Variants in NRAP observed in about 807,000 individuals in gnomAD.
The protein encoded by NRAP is nebulin-related-anchoring protein.
A neutral mutation model predicts 225.9 loss-of-function variants in NRAP; 189 were observed. The observed-to-expected ratio is 0.84, with a 90% CI of 0.74 to 0.94. The LOEUF (loss-of-function observed/expected upper bound fraction) is 0.94, where lower values mean the gene tolerates loss of function less well. NRAP is among the 40% of genes least tolerant of loss of function. NRAP has a pLI of 0.00. For missense variants in NRAP, 2,176 were observed against 2,168.7 expected (o/e 1.00, Z -0.07); for synonymous variants, 769 against 790.7 (o/e 0.97, Z 0.46).
intron 25 of NRAP, among the ~76,000 whole-genome samples, chr10:113,619,891 G>C (rs920104719): frequency 6.6e-6 from 1 of 152,094 alleles, no homozygotes; most frequent in Non-Finnish European, 1.5e-5. Context: ...GGGGGCTTTC[G>C]GCAATGTCTC....
intron 27 of NRAP, 118 bp downstream of exon 27, chr10:113,615,593 TG>T: frequency 1.4e-6 from 1 of 695,014 alleles, no homozygotes; most frequent in Non-Finnish European, 2.7e-6. Flanking sequence ...TATTTCAAGG[TG>T]GTGATGGCAG....
chr10:113,610,415 C>T, intron 31 of NRAP, 44 bp downstream of exon 31: 1 of 879,660 alleles, frequency 1.1e-6, no homozygotes, highest in Non-Finnish European at 1.9e-6. Flanking sequence ...TTATCCTCTG[C>T]TGTGGAAATG....
chr10:113,628,022 T>C (rs1192752167), intron 20 of NRAP, among the ~76,000 whole-genome samples: 1 of 152,140 alleles, frequency 6.6e-6, no homozygotes, highest in African/African-American at 2.4e-5. Flanking sequence ...TCTTGGAAGA[T>C]TCCAAACAAA....
chr10:113,641,937 G>C (rs1849228243), intron 12 of NRAP, among the ~76,000 whole-genome samples: 1 of 152,162 alleles, frequency 6.6e-6, no homozygotes, highest in African/African-American at 2.4e-5. Context: ...CAAATTCTGT[G>C]ATGTAAAAGT....
chr10:113,604,911 T>C lies in NRAP; in HGVS notation c.3925A>G (p.Arg1309Gly), dbSNP rs1265515770. 6 of 1,611,034 alleles carry C rather than the reference T, an allele frequency of 3.7e-6. No homozygotes were observed. Among genetic ancestry groups the C allele is most frequent in the African/African-American group, 2.7e-5 (2 of 74,842 alleles). Residue 1309 changes from arginine to glycine, a missense_variant, in exon 35 of 42, where the codon AGA (arginine) becomes GGA (glycine). Physicochemically the swap from Arg to Gly is moderately radical, Grantham distance 125. Coordinates refer to ENST00000359988, the MANE Select transcript of NRAP (RefSeq NM_198060.4). ...SGDIASDFLYRHDFVKERGKL... is the reference protein window; with the variant it reads ...SGDIASDFLYGHDFVKERGKL... ...CCTCGCTCCTTCACAAAGTCATGTCTGTAGAGAAACTGCAAGAAAGGGCTG... is the reference window on the plus strand; with the variant it reads ...CCTCGCTCCTTCACAAAGTCATGTCCGTAGAGAAACTGCAAGAAAGGGCTG...
rs761148353 is a variant in NRAP at position 113,663,403 on chromosome 10, A to G, written c.116T>C (p.Met39Thr). Residue 39 changes from methionine (M) to threonine (T), a missense_variant, in exon 2 of 42, where the codon ATG becomes ACG. Physicochemically the swap from Met to Thr is moderately conservative, Grantham distance 81. Coordinates refer to ENST00000359988, the MANE Select transcript of NRAP (RefSeq NM_198060.4). ...ACTCACAAAGTTATTAACAGACAGC[A>G]TCATCTTGCAAACTTCACAGTGAAA... ...ACFHCEVCKM[M>T]LSVNNFVSHQ... The G allele has an allele frequency of 4.3e-6, 7 of 1,613,474 alleles. No individual in the cohort carries two copies. Among genetic ancestry groups the G allele is most frequent in the Non-Finnish European group, 5.9e-6 (7 of 1,179,476 alleles).
In NRAP at chr10:113,612,841, C is replaced by T. The variant is rs543991232; in HGVS notation, c.3301-410G>A. Among the ~76,000 whole-genome samples the T allele has an allele frequency of 1.1e-4, 16 of 152,316 alleles. No homozygotes were observed. The South Asian group carries it at 3.1e-3, about 30-fold the overall frequency. On this transcript the variant is annotated intron_variant, in intron 29 of 41. Coordinates refer to ENST00000359988, the MANE Select transcript of NRAP (RefSeq NM_198060.4). ...GTTCAGACACGAGGGATTCTCCTCT[C>T]ACACTAGCTTAGGAAGAGTTTCTTC...
intron 18 of NRAP, among the ~76,000 whole-genome samples, chr10:113,630,838 T>C (rs1488619543): frequency 6.6e-6 from 1 of 152,214 alleles, no homozygotes; most frequent in Non-Finnish European, 1.5e-5. Context: ...AACTGTACCA[T>C]CAGAGCAGCA....
rs1377757083 is a variant in NRAP, at chr10:113,620,705, G to A, written c.2773C>T (p.Gln925Ter). 1.9e-6 allele frequency: 3 copies of A among 1,602,888 alleles called. No homozygotes were observed. Among genetic ancestry groups the A allele is most frequent in the Non-Finnish European group, 2.6e-6 (3 of 1,171,610 alleles). Residue 925 changes from glutamine (Q) to a stop codon, truncating the protein, a stop_gained, in exon 25 of 42, where the codon CAA becomes TAA. Coordinates refer to ENST00000359988, the MANE Select transcript of NRAP (RefSeq NM_198060.4). LOFTEE classifies it high-confidence loss of function. ...ATCCACTTCACATCTGCCCTGTATT[G>A]GTTCTGACAAAGGAGAAAGAAAAAA... ...KKAYGLQSDN[Q>*]YRADVKWMKG...
intron 14 of NRAP, among the ~76,000 whole-genome samples, chr10:113,638,493 T>C (rs1849008264): frequency 6.6e-6 from 1 of 152,208 alleles, no homozygotes; most frequent in Non-Finnish European, 1.5e-5. Flanking sequence ...AGACCACAAT[T>C]GTTCTTGTAA....
intron 22 of NRAP, among the ~76,000 whole-genome samples, chr10:113,624,356 A>G (rs1268170521): frequency 1.3e-5 from 2 of 152,200 alleles, no homozygotes; most frequent in Non-Finnish European, 2.9e-5. Context: ...TGCTTGATGT[A>G]TAGAGACTCA....
chr10:113,659,631 T>C (rs1222494528), intron 3 of NRAP, among the ~76,000 whole-genome samples: 5 of 152,176 alleles, frequency 3.3e-5, no homozygotes, highest in Non-Finnish European at 5.9e-5. Flanking sequence ...TAAGGAAGCA[T>C]GAAGGGCTAA....
rs371557701 is a variant in NRAP, at chr10:113,590,858, C to T, written c.4676G>A (p.Arg1559Gln). ...ACTGCGGTACCCGATCTGCAGGCCT[C>T]GGTCCCGCAGGAAAGCCTCTTTGTA... is the stretch of plus-strand genomic sequence containing the variant. ...FRYKEAFLRD[R>Q]GLQIGYRSVD... The change falls in exon 40 of 42, where the codon CGA (arginine) becomes CAA (glutamine). Residue 1559 changes from arginine (R) to glutamine (Q), a missense_variant. Physicochemically the swap from Arg to Gln is conservative, Grantham distance 43 (BLOSUM62 1). Coordinates refer to ENST00000359988, the MANE Select transcript of NRAP (RefSeq NM_198060.4). The T allele has an allele frequency of 3.7e-5, 59 of 1,614,016 alleles. No individual in the cohort carries two copies. The highest frequency in any genetic ancestry group is 4.5e-5 in the Non-Finnish European group (53 of 1,179,984).
intron 20 of NRAP, among the ~76,000 whole-genome samples, chr10:113,627,153 G>C (rs1001980340): frequency 4.6e-5 from 7 of 152,228 alleles, no homozygotes; most frequent in African/African-American, 1.4e-4. Flanking sequence ...AAAAGTTCTA[G>C]AGAAAACATT....
At position 113,650,493 on chromosome 10, in the gene NRAP, G is replaced by A. The variant is rs770700798; in HGVS notation, c.728C>T (p.Ala243Val). The change falls in exon 8 of 42, where the codon GCG becomes GTG. Residue 243 changes from alanine to valine, a missense_variant. Coordinates refer to ENST00000359988, the MANE Select transcript of NRAP (RefSeq NM_198060.4). ...EQQRGKGSFP[A>V]MITPAYQIAK... ...TATCTGATAGGCGGGTGTGATCATC[G>A]CAGGGAAACTGCCTTTCCCTCTTTG... 28 of 1,613,686 alleles carry A rather than the reference G, an allele frequency of 1.7e-5. No homozygotes were observed. The highest frequency in any genetic ancestry group is 4.0e-5 in the African/African-American group (3 of 74,848).
At chr10:113,599,365 T>C (rs1846466800) in intron 35 of NRAP, among the ~76,000 whole-genome samples, 1 of 152,180 alleles carries the variant, frequency 6.6e-6, no homozygotes, top group Non-Finnish European at 1.5e-5. Flanking sequence ...TTGCTTTTTA[T>C]ACCACGATCT....
At position 113,609,694 on chromosome 10, in the gene NRAP, A is replaced by C. The variant is rs181756452; in HGVS notation, c.3603+765T>G. ...AAAAGAGAGGGGTCTGAGTATACCC[A>C]TTTGACTAATTAAGAAGTGGAGGCT... On this transcript the variant is annotated intron_variant, in intron 31 of 41. Coordinates refer to ENST00000359988, the MANE Select transcript of NRAP (RefSeq NM_198060.4). 2.0e-3 allele frequency among the ~76,000 whole-genome samples: 304 copies of C among 152,282 alleles called. 2 individuals are homozygous for C. The highest frequency in any genetic ancestry group is 7.0e-3 in the African/African-American group (291 of 41,560).
At chr10:113,603,886 G>T (rs551496642) in intron 35 of NRAP, among the ~76,000 whole-genome samples, 2 of 151,988 alleles carry the variant, frequency 1.3e-5, no homozygotes, top group Non-Finnish European at 2.9e-5. Context: ...ACACGTGTAC[G>T]TGCACGCACA....
At chr10:113,633,210 T>C in intron 15 of NRAP, 22 bp from the exon 16 acceptor site, 1 of 1,373,698 alleles carries the variant, frequency 7.3e-7, no homozygotes, top group Admixed American at 1.7e-5. Flanking sequence ...AAAATAAATC[T>C]GTAGGGTTTT....
Sources: gnomAD v4.1 joint callset for allele counts (sites outside exome capture counted in the v4.1 genomes callset) on GRCh38, gnomAD v4.1.1 for gene constraint, MANE v1.5 for transcripts, NCBI Gene and HGNC (gene_info 2026-07-23, HGNC 2026-07-21) for gene names.